Variants in TAF9B observed in about 807,000 individuals in gnomAD.
TAF9B encodes transcription initiation factor TFIID subunit 9B.
A neutral mutation model predicts 17.6 loss-of-function variants in TAF9B; 47 were observed. That is an observed-to-expected ratio of 2.68 (90% CI 2.12 to 3.41). The LOEUF (loss-of-function observed/expected upper bound fraction) is 3.41, where lower values mean the gene tolerates loss of function less well. Ranked by LOEUF, TAF9B falls within the 30% of genes most tolerant of loss-of-function variation. The pLI, the probability that TAF9B is intolerant of heterozygous loss-of-function variation, is 0.00. For missense variants in TAF9B, 218 were observed against 189.3 expected, an observed-to-expected ratio of 1.15 and a Z score of -0.89; for synonymous variants, 84 against 68.7, an observed-to-expected ratio of 1.22 and a Z score of -1.10.
intron 1 of TAF9B, 75 bp downstream of exon 1, chrX:78,139,486 C>T: frequency 8.4e-7 from 1 of 1,192,439 alleles, no homozygotes; most frequent in Non-Finnish European, 1.1e-6. Context: ...ACCCTCAGGC[C>T]CTCAGCGTGG....
rs2078448403 is a variant in TAF9B, at chrX:78,139,603, C to T, written c.9G>A (p.Ser3=). 1 of 1,211,789 alleles carries T rather than the reference C, an allele frequency of 8.3e-7. No individual in the cohort carries two copies. The highest frequency in any genetic ancestry group is 1.1e-6 in the Non-Finnish European group (1 of 895,324). The change falls in exon 1 of 7, where the codon TCG becomes TCA. Residue 3 remains serine (S), a synonymous_variant. Transcript: ENST00000341864. Reference sequence around the variant, plus strand: ...CGTTCTTGGGAGGCGCCATCTTGCCCGACTCCATGTTATCCAGCCACTCGT... The same window carrying T: ...CGTTCTTGGGAGGCGCCATCTTGCCTGACTCCATGTTATCCAGCCACTCGT... ME[S]GKMAPPKNAP...
rs1603399343 is a variant in TAF9B, at chrX:78,130,735, T to G, written c.*875A>C. 1 of 112,533 alleles carries G rather than the reference T, an allele frequency of 8.9e-6. No homozygotes were observed. The highest frequency in any genetic ancestry group is 2.8e-4 in the East Asian group (1 of 3,614). 9.3% of individuals were successfully genotyped at this position (112,533 alleles called of 1,213,427 possible). On this transcript the variant is annotated 3_prime_UTR_variant, in exon 7 of 7. Coordinates refer to ENST00000341864, the MANE Select transcript of TAF9B (RefSeq NM_015975.5). The stretch of plus-strand genomic sequence containing the variant: ...TTAGAAATGTGAAACATGGAAGAGT[T>G]ATCAACTTGGAATACAATACTAAAA...
Position 78,131,450 on chromosome X carries a change from G to A in TAF9B, c.*160C>T, listed in dbSNP as rs1344204283. The A allele has an allele frequency of 2.5e-5, 10 of 399,512 alleles. No individual in the cohort carries two copies. The highest frequency in any genetic ancestry group is 4.2e-5 in the Non-Finnish European group (10 of 236,724). The allele number at this position is 399,512 out of a possible 1,213,427, so 32.9% of individuals were successfully genotyped here. A position where few individuals can be genotyped will look rare whatever the true frequency, so the allele number is the denominator to read the frequency against. ...TTGAAGCCTACTGAAAAACACATTT[G>A]TATGTTTACTAAAGAGATCTAACAG... On this transcript the variant is annotated 3_prime_UTR_variant, in exon 7 of 7. Transcript: ENST00000341864.
chrX:78,136,709 T>C (rs1234561232), intron 5 of TAF9B, among the ~76,000 whole-genome samples: 14 of 112,374 alleles, frequency 1.2e-4, no homozygotes, highest in Non-Finnish European at 5.6e-5. Context: ...TTATATTCAT[T>C]TGAGATCAGA....
At chrX:78,134,955 ATTT>A (rs569869340) in intron 5 of TAF9B, among the ~76,000 whole-genome samples, 1 of 95,774 alleles carries the variant, frequency 1.0e-5, no homozygotes, top group African/African-American at 3.9e-5. Context: ...AATCATTTTA[ATTT>A]TTTTTTTTTT....
At position 78,136,954 on chromosome X, in the gene TAF9B, C is replaced by A. The variant is rs1557250113; in HGVS notation, c.442G>T (p.Val148Phe). Residue 148 changes from valine (V) to phenylalanine (F), a missense_variant, in exon 5 of 7, where the codon GTT becomes TTT. Val to Phe is a conservative substitution (Grantham distance 50). Transcript: ENST00000341864. Reference protein sequence around the residue: ...NQGRLVPRLSVGAVSSKPTTP... With the variant: ...NQGRLVPRLSFGAVSSKPTTP... ...GTAGGTTTGCTACTAACAGCACCAACACTTAATCGTGGAACTAGTCTCCCT... is the reference window on the plus strand; with the variant it reads ...GTAGGTTTGCTACTAACAGCACCAAAACTTAATCGTGGAACTAGTCTCCCT... 8.3e-7 allele frequency: 1 copy of A among 1,207,365 alleles called. No homozygotes were observed. The highest frequency in any genetic ancestry group is 2.2e-5 in the Admixed American group (1 of 46,013).
At chrX:78,138,757 A>C in intron 2 of TAF9B, 86 bp downstream of exon 2, 1 of 804,810 alleles carries the variant, frequency 1.2e-6, no homozygotes, top group Non-Finnish European at 1.8e-6. Context: ...TGTCTCAAAA[A>C]AGAAAATAAA....
At chrX:78,133,520 G>A (rs1252880524) in intron 5 of TAF9B, 72 bp from the exon 6 acceptor site, 8 of 746,892 alleles carry the variant, frequency 1.1e-5, no homozygotes, top group African/African-American at 4.2e-5. Context: ...TCAGCTTACC[G>A]CAAACTATCT....
At chrX:78,138,712 G>A (rs782201085) in intron 2 of TAF9B, 131 bp downstream of exon 2, 14 of 533,562 alleles carry the variant, frequency 2.6e-5, no homozygotes, top group Non-Finnish European at 3.7e-5. Context: ...CCAAGATCGC[G>A]CCACTGCCTT....
At chrX:78,135,342 C>T (rs1404457432) in intron 5 of TAF9B, among the ~76,000 whole-genome samples, 4 of 100,094 alleles carry the variant, frequency 4.0e-5, no homozygotes, top group Admixed American at 1.1e-4. Flanking sequence ...TTTGGGAGGC[C>T]GAGGCAGGCA....
intron 6 of TAF9B, among the ~76,000 whole-genome samples, chrX:78,132,077 TC>T (rs1169121078): frequency 1.8e-5 from 2 of 111,967 alleles, no homozygotes; most frequent in African/African-American, 6.5e-5. Context: ...CACTGCAACC[TC>T]CGCCTCCTGA....
Position 78,137,967 on chromosome X carries a change from T to C in TAF9B, c.265A>G (p.Arg89Gly). The change falls in exon 3 of 7, where the codon AGA becomes GGA. Residue 89 changes from arginine to glycine, a missense_variant. Arg to Gly is a moderately radical substitution (Grantham distance 125). Coordinates refer to ENST00000341864, the MANE Select transcript of TAF9B (RefSeq NM_015975.5). ...TCAAATCAAAGTTTGCTCACATCTC[T>C]TGGGGGAGGAGAGGTAAAAGATTGG... is the stretch of plus-strand genomic sequence containing the variant. ...ADQSFTSPPP[R>G]DFLLDIARQK... is the part of the protein sequence containing the mutation. The C allele has an allele frequency of 1.7e-6, 2 of 1,207,529 alleles. No homozygotes were observed. Among genetic ancestry groups the C allele is most frequent in the Non-Finnish European group, 2.2e-6 (2 of 894,163 alleles).
In TAF9B at chrX:78,139,612, G is replaced by GTTA. The variant is rs1557250550; in HGVS notation, c.-4_-2dup. On this transcript the variant is annotated 5_prime_UTR_variant, in exon 1 of 7. Coordinates refer to ENST00000341864, the MANE Select transcript of TAF9B (RefSeq NM_015975.5). ...GAGGCGCCATCTTGCCCGACTCCATGTTATCCAGCCACTCGTCATCCGCGG... is the reference window on the plus strand; with the variant it reads ...GAGGCGCCATCTTGCCCGACTCCATGTTATTATCCAGCCACTCGTCATCCGCGG... The GTTA allele has an allele frequency of 8.3e-7, 1 of 1,210,479 alleles. No homozygotes were observed. The highest frequency in any genetic ancestry group is 1.7e-5 in the African/African-American group (1 of 57,485).
chrX:78,137,983 A>G lies in TAF9B; in HGVS notation c.249T>C (p.Phe83=), dbSNP rs1557250246. The change falls in exon 3 of 7, where the codon TTT becomes TTC. Residue 83 remains phenylalanine (F), a synonymous_variant. Transcript: ENST00000341864. ...LAIQCRADQS[F]TSPPPRDFLL... is the part of the protein sequence containing the mutation. ...TCACATCTCTTGGGGGAGGAGAGGTAAAAGATTGGTCAGCACGACACTGGA... is the reference window on the plus strand; with the variant it reads ...TCACATCTCTTGGGGGAGGAGAGGTGAAAGATTGGTCAGCACGACACTGGA... 1.7e-6 allele frequency: 2 copies of G among 1,209,826 alleles called. No individual in the cohort carries two copies. Among genetic ancestry groups the G allele is most frequent in the Non-Finnish European group, 2.2e-6 (2 of 894,872 alleles).
At chrX:78,137,444 T>C (rs1014805763) in intron 4 of TAF9B, among the ~76,000 whole-genome samples, 2 of 111,196 alleles carry the variant, frequency 1.8e-5, no homozygotes, top group African/African-American at 6.6e-5. Context: ...TCCTCTGTTA[T>C]TAGGCCTCAC....
At chrX:78,139,505 C>T in intron 1 of TAF9B, 56 bp downstream of exon 1, 7 of 1,205,577 alleles carry the variant, frequency 5.8e-6, no homozygotes, top group South Asian at 5.3e-5. Flanking sequence ...GGCCCCGCCT[C>T]GCAGGTCCCT....
At chrX:78,137,067 G>A in intron 4 of TAF9B, 77 bp from the exon 5 acceptor site, 8 of 756,862 alleles carry the variant, frequency 1.1e-5, no homozygotes, top group Admixed American at 4.9e-5. Context: ...GATTGCTGAT[G>A]TAAATGATTA....
At chrX:78,133,584 C>T (rs782610793) in intron 5 of TAF9B, 136 bp from the exon 6 acceptor site, 13 of 473,283 alleles carry the variant, frequency 2.7e-5, no homozygotes, top group Non-Finnish European at 4.4e-5. Context: ...GAAATAAGAG[C>T]AAAACAACCT....
chrX:78,133,364 G>C lies in TAF9B; in HGVS notation c.566C>G (p.Pro189Arg). Residue 189 changes from proline to arginine, a missense_variant, in exon 6 of 7, where the codon CCT becomes CGT. Coordinates refer to ENST00000341864, the MANE Select transcript of TAF9B (RefSeq NM_015975.5). ...TGGTTTGACAGGTGTGGACTGAGAA[G>C]GTGGAATCTGCACCGTAAATCTTTG... is the stretch of plus-strand genomic sequence containing the variant. ...TSQRFTVQIP[P>R]SQSTPVKPVP... 1 of 1,210,311 alleles carries C rather than the reference G, an allele frequency of 8.3e-7. No homozygotes were observed. The highest frequency in any genetic ancestry group is 1.1e-6 in the Non-Finnish European group (1 of 894,014).
Sources: allele counts gnomAD v4.1 joint callset (sites outside exome capture counted in the v4.1 genomes callset), GRCh38; gene constraint gnomAD v4.1.1; transcripts MANE v1.5; gene names NCBI Gene and HGNC (gene_info 2026-07-23, HGNC 2026-07-21).